Variants in ANKRD28 observed in about 807,000 individuals in gnomAD.
ANKRD28 encodes serine/threonine-protein phosphatase 6 regulatory ankyrin repeat subunit A.
A neutral mutation model predicts 126.5 loss-of-function variants in ANKRD28; 44 were observed. That is an observed-to-expected ratio of 0.35 (90% CI 0.27 to 0.45). The LOEUF (loss-of-function observed/expected upper bound fraction) is 0.45, where lower values mean the gene tolerates loss of function less well. Ranked by LOEUF, ANKRD28 falls within the 20% of genes least tolerant of loss-of-function variation. The probability of loss-of-function intolerance (pLI) is 1.00; values close to 1 mark genes in which losing one functional copy is unlikely to be tolerated. For synonymous variants in ANKRD28, 442 were observed against 468.5 expected, an observed-to-expected ratio of 0.94 and a Z score of 0.73; for missense variants, 1,110 against 1,316.6, an observed-to-expected ratio of 0.84 and a Z score of 2.43.
chr3:15,852,999 C>T (rs1236449103), intron 1 of ANKRD28, among the ~76,000 whole-genome samples: 1 of 151,658 alleles, frequency 6.6e-6, no homozygotes. Context: ...ATCAGTATCG[C>T]TTAAGGAGGG....
intron 2 of ANKRD28, among the ~76,000 whole-genome samples, chr3:15,776,348 T>C (rs1454145815): frequency 6.6e-6 from 1 of 152,046 alleles, no homozygotes; most frequent in African/African-American, 2.4e-5. Flanking sequence ...TCATTCAAAA[T>C]AGAAAAAAAA....
Position 15,685,348 on chromosome 3 carries a change from G to C in ANKRD28, c.2267C>G (p.Ser756Cys). ...DSRGRTPIHL[S>C]AACGHIGVLG... ...AACACCAATGTGTCCACAGGCAGCA[G>C]ACAGGTGTATAGGCGTCCGGCCCCT... Residue 756 changes from serine to cysteine, a missense_variant, in exon 21 of 28, where the codon TCT (serine) becomes TGT (cysteine). Coordinates refer to ENST00000683139, the MANE Select transcript of ANKRD28 (RefSeq NM_001349278.2). 6.2e-7 allele frequency: 1 copy of C among 1,614,028 alleles called. No individual in the cohort carries two copies. Among genetic ancestry groups the C allele is most frequent in the Non-Finnish European group, 8.5e-7 (1 of 1,179,878 alleles).
chr3:15,685,392 C>G lies in ANKRD28; in HGVS notation c.2223G>C (p.Lys741Asn). 7 of 1,613,510 alleles carry G rather than the reference C, an allele frequency of 4.3e-6. No homozygotes were observed. Among genetic ancestry groups the G allele is most frequent in the Admixed American group, 1.7e-5 (1 of 59,980 alleles). Residue 741 changes from lysine to asparagine, a missense_variant, in exon 21 of 28, where the codon AAG becomes AAC. Coordinates refer to ENST00000683139, the MANE Select transcript of ANKRD28 (RefSeq NM_001349278.2). ...GGCCCCTGCTATCCCGAAGTAAGCA[C>G]TTAGCACCATGTTGAAGTAATGCAT... ...CVDALLQHGA[K>N]CLLRDSRGRT...
chr3:15,810,077 C>T (rs566096984), intron 1 of ANKRD28, among the ~76,000 whole-genome samples: 2 of 152,058 alleles, frequency 1.3e-5, no homozygotes, highest in African/African-American at 4.8e-5. Context: ...TACACTTTAA[C>T]CTATAGAATT....
intron 18 of ANKRD28, among the ~76,000 whole-genome samples, chr3:15,688,146 A>G (rs980046999): frequency 2.0e-5 from 3 of 152,216 alleles, no homozygotes; most frequent in African/African-American, 7.2e-5. Context: ...TCTCAGTTCA[A>G]TATTTACCTA....
chr3:15,700,725 G>T (rs2070453515), intron 14 of ANKRD28, among the ~76,000 whole-genome samples: 1 of 152,130 alleles, frequency 6.6e-6, no homozygotes, highest in Admixed American at 6.5e-5. Context: ...AGTGAGCAGA[G>T]ATCGCGCCAC....
intron 8 of ANKRD28, among the ~76,000 whole-genome samples, chr3:15,715,506 C>T (rs1330826322): frequency 6.6e-6 from 1 of 152,098 alleles, no homozygotes; most frequent in African/African-American, 2.4e-5. Flanking sequence ...ATGAATTTTT[C>T]AAGTAAACAA....
chr3:15,777,275 A>C, intron 2 of ANKRD28, among the ~76,000 whole-genome samples: 1 of 130,518 alleles, frequency 7.7e-6, no homozygotes. Flanking sequence ...CCGTCTCAAA[A>C]AAAAAAAAAA....
At chr3:15,719,001 CA>C (rs1160932878) in intron 8 of ANKRD28, among the ~76,000 whole-genome samples, 9 of 152,118 alleles carry the variant, frequency 5.9e-5, no homozygotes, top group African/African-American at 2.2e-4. Flanking sequence ...ATAAGCAGTT[CA>C]AACCTGTAAT....
chr3:15,705,052 T>G (rs542223549), intron 14 of ANKRD28, among the ~76,000 whole-genome samples: 34 of 152,310 alleles, frequency 2.2e-4, no homozygotes, highest in Middle Eastern at 6.8e-3. Context: ...CTCAAATGGG[T>G]ACAGTATGGA....
intron 14 of ANKRD28, among the ~76,000 whole-genome samples, chr3:15,704,944 G>A (rs990618630): frequency 1.3e-5 from 2 of 152,112 alleles, no homozygotes; most frequent in Admixed American, 6.5e-5. Flanking sequence ...GCTAGATTAT[G>A]CACAGTCTCA....
chr3:15,720,565 A>G (rs1319961481), intron 8 of ANKRD28, among the ~76,000 whole-genome samples: 2 of 152,248 alleles, frequency 1.3e-5, no homozygotes, highest in African/African-American at 4.8e-5. Flanking sequence ...ACAAATGTAT[A>G]TAACATAAAC....
intron 3 of ANKRD28, among the ~76,000 whole-genome samples, chr3:15,762,630 T>A (rs1299672946): frequency 2.6e-5 from 4 of 152,150 alleles, no homozygotes; most frequent in African/African-American, 9.7e-5. Context: ...ACGTAATAAC[T>A]GGACTTCAAA....
chr3:15,715,582 G>A (rs2072908213), intron 8 of ANKRD28, among the ~76,000 whole-genome samples: 1 of 152,140 alleles, frequency 6.6e-6, no homozygotes. Flanking sequence ...AGAAAGGAAG[G>A]GGAGGAGGAG....
intron 2 of ANKRD28, among the ~76,000 whole-genome samples, chr3:15,768,932 T>C (rs1470240703): frequency 6.6e-6 from 1 of 152,204 alleles, no homozygotes; most frequent in Non-Finnish European, 1.5e-5. Context: ...TCAACAATTG[T>C]TGAAAGAGCT....
intron 2 of ANKRD28, among the ~76,000 whole-genome samples, chr3:15,791,748 T>C (rs986021165): frequency 6.6e-6 from 1 of 152,036 alleles, no homozygotes; most frequent in Middle Eastern, 3.2e-3. Context: ...CATGGACAAA[T>C]GGGATCACAT....
chr3:15,823,242 G>C (rs1170690481), intron 1 of ANKRD28, among the ~76,000 whole-genome samples: 1 of 152,194 alleles, frequency 6.6e-6, no homozygotes, highest in African/African-American at 2.4e-5. Flanking sequence ...CTTCCTATGA[G>C]AATCTAATGC....
At chr3:15,673,381 G>A (rs139223071) in intron 27 of ANKRD28, among the ~76,000 whole-genome samples, 2 of 152,288 alleles carry the variant, frequency 1.3e-5, no homozygotes, top group East Asian at 3.9e-4. Flanking sequence ...CACTCATGCA[G>A]CAAATATTCA....
intron 8 of ANKRD28, among the ~76,000 whole-genome samples, chr3:15,718,644 A>AT (rs1183022987): frequency 5.9e-5 from 9 of 151,858 alleles, no homozygotes; most frequent in African/African-American, 2.2e-4. Context: ...TAAAACAGGA[A>AT]GCCCAATCTC....
Sources: allele counts gnomAD v4.1 joint callset (sites outside exome capture counted in the v4.1 genomes callset), GRCh38; gene constraint gnomAD v4.1.1; transcripts MANE v1.5; gene names NCBI Gene and HGNC (gene_info 2026-07-23, HGNC 2026-07-21).